Variants in NPR3 observed in about 807,000 individuals in gnomAD.
NPR3 encodes the protein natriuretic peptide receptor 3.
A neutral mutation model predicts 54.5 loss-of-function variants in NPR3; 34 were observed. The observed-to-expected ratio is 0.62, with a 90% CI of 0.47 to 0.83. The LOEUF is 0.83. Among genes scored for constraint, NPR3 ranks in the 40% least tolerant of loss-of-function variants. The probability of loss-of-function intolerance (pLI) is 0.00; values close to 1 mark genes in which losing one functional copy is unlikely to be tolerated. For synonymous variants in NPR3, 289 were observed against 297.1 expected, an observed-to-expected ratio of 0.97 and a Z score of 0.28; for missense variants, 674 against 720.8, an observed-to-expected ratio of 0.94 and a Z score of 0.74.
chr5:32,718,268 T>C (rs976611071), intron 1 of NPR3, among the ~76,000 whole-genome samples: 7 of 152,354 alleles, frequency 4.6e-5, no homozygotes, highest in Non-Finnish European at 7.3e-5. Flanking sequence ...TGAAGTCAGG[T>C]AGCATGATGC....
chr5:32,711,922 C>A lies in NPR3; in HGVS notation c.146C>A (p.Pro49Gln), dbSNP rs1738264446. ...GGGRQEREALPPQKIEVLVLL... is the reference protein window; with the variant it reads ...GGGRQEREALQPQKIEVLVLL... ...GGACGCCAGGAGAGAGAGGCGCTGC[C>A]GCCACAGAAGATCGAGGTGCTGGTG... The change falls in exon 1 of 8, where the codon CCG becomes CAG. Residue 49 changes from proline to glutamine, a missense_variant. Physicochemically the swap from Pro to Gln is moderately conservative, Grantham distance 76. Coordinates refer to ENST00000265074, the MANE Select transcript of NPR3 (RefSeq NM_001204375.2). The A allele has an allele frequency of 1.3e-6, 2 of 1,503,082 alleles. No homozygotes were observed. The highest frequency in any genetic ancestry group is 2.6e-5 in the South Asian group (2 of 76,208). The allele number at this position is 1,503,082 out of a possible 1,614,324, so 93.1% of individuals were successfully genotyped here.
At chr5:32,766,132 T>G (rs1016203430) in intron 3 of NPR3, among the ~76,000 whole-genome samples, 1 of 152,132 alleles carries the variant, frequency 6.6e-6, no homozygotes, top group Non-Finnish European at 1.5e-5. Context: ...TGGGTATATA[T>G]CAGCACAGAG....
At chr5:32,715,320 C>G (rs1330137832) in intron 1 of NPR3, among the ~76,000 whole-genome samples, 1 of 152,208 alleles carries the variant, frequency 6.6e-6, no homozygotes, top group Admixed American at 6.5e-5. Flanking sequence ...GAGTTCCTCC[C>G]TCTTTTGGTG....
chr5:32,692,487 C>T (rs1283959801), intron 1 of NPR3, among the ~76,000 whole-genome samples: 1 of 152,160 alleles, frequency 6.6e-6, no homozygotes, highest in Non-Finnish European at 1.5e-5. Flanking sequence ...GGAACAATGT[C>T]AGCTTGATGA....
chr5:32,781,238 T>A (rs1742323495), intron 5 of NPR3, among the ~76,000 whole-genome samples: 1 of 151,848 alleles, frequency 6.6e-6, no homozygotes, highest in Non-Finnish European at 1.5e-5. Context: ...CAAAGATGAG[T>A]CTTCCGTGCT....
At chr5:32,782,617 C>T (rs754181016) in intron 5 of NPR3, among the ~76,000 whole-genome samples, 12 of 152,204 alleles carry the variant, frequency 7.9e-5, no homozygotes, top group Non-Finnish European at 1.5e-4. Context: ...TCTTAATGCT[C>T]TCTTGAGAGC....
At chr5:32,713,187 C>T in intron 1 of NPR3, 1 of 985,420 alleles carries the variant, frequency 1.0e-6, no homozygotes, top group Non-Finnish European at 1.2e-6. Context: ...ATTCTGGCGA[C>T]ACTCACTTCT....
intron 3 of NPR3, among the ~76,000 whole-genome samples, chr5:32,753,439 G>A (rs183498653): frequency 1.5e-3 from 226 of 151,820 alleles, no homozygotes; most frequent in African/African-American, 4.9e-3. Context: ...TTAAAATATG[G>A]ACTATAGACA....
intron 4 of NPR3, among the ~76,000 whole-genome samples, chr5:32,776,188 G>GT (rs1448534973): frequency 6.6e-6 from 1 of 152,040 alleles, no homozygotes; most frequent in Non-Finnish European, 1.5e-5. Flanking sequence ...TTCATCTTAG[G>GT]TTTTTTACTT....
intron 3 of NPR3, among the ~76,000 whole-genome samples, chr5:32,770,429 C>CAA (rs148069259): frequency 8.1e-6 from 1 of 123,710 alleles, no homozygotes. Flanking sequence ...GACTCTGTTT[C>CAA]AAAAAAAAAA....
intron 1 of NPR3, among the ~76,000 whole-genome samples, chr5:32,700,921 A>G (rs1447754827): frequency 2.0e-5 from 3 of 152,192 alleles, no homozygotes; most frequent in Non-Finnish European, 4.4e-5. Flanking sequence ...CAGTAATGGG[A>G]TGGCTGGGTC....
intron 2 of NPR3, among the ~76,000 whole-genome samples, chr5:32,735,693 A>T (rs75736216): frequency 0.028 from 4,273 of 152,048 alleles, 71 homozygotes; most frequent in Middle Eastern, 0.085. Flanking sequence ...CTGCTCATAA[A>T]TCTCTAGAGG....
chr5:32,698,151 G>T (rs1437032244), intron 1 of NPR3, among the ~76,000 whole-genome samples: 1 of 151,662 alleles, frequency 6.6e-6, no homozygotes, highest in African/African-American at 2.4e-5. Flanking sequence ...TCTTAGTACT[G>T]CTTTCACTGT....
chr5:32,711,561 TTTTTC>T lies in NPR3; in HGVS notation c.-211_-207del, dbSNP rs1470408772. ...ACACCCGGTGAACTTTTTCTTTTTC[TTTTTC>T]TTTTTTTTTTAAGAAAAACTAGTGA... On this transcript the variant is annotated 5_prime_UTR_variant, in exon 1 of 8. Coordinates refer to ENST00000265074, the MANE Select transcript of NPR3 (RefSeq NM_001204375.2). The T allele has an allele frequency of 2.4e-6, 3 of 1,239,954 alleles. No homozygotes were observed. The African/African-American group carries it at 4.7e-5, about 19-fold the overall frequency. 76.8% of individuals were successfully genotyped at this position (1,239,954 alleles called of 1,614,324 possible). A position where few individuals can be genotyped will look rare whatever the true frequency, so the allele number is the denominator to read the frequency against.
chr5:32,753,268 A>G (rs1022146737), intron 3 of NPR3, among the ~76,000 whole-genome samples: 2 of 152,138 alleles, frequency 1.3e-5, no homozygotes, highest in Admixed American at 6.5e-5. Flanking sequence ...ATGCATGACT[A>G]AAATAGCAAT....
chr5:32,719,453 C>T (rs1003199872), intron 1 of NPR3, among the ~76,000 whole-genome samples: 5 of 152,156 alleles, frequency 3.3e-5, no homozygotes, highest in African/African-American at 7.2e-5. Context: ...AATTTTCCCT[C>T]GAATTGTGAC....
chr5:32,729,444 A>G (rs548970026), intron 2 of NPR3, among the ~76,000 whole-genome samples: 11 of 152,308 alleles, frequency 7.2e-5, no homozygotes, highest in African/African-American at 2.6e-4. Flanking sequence ...TGGATTTCCC[A>G]CTTTTGGATT....
chr5:32,707,052 A>C (rs1738016457), upstream of NPR3, among the ~76,000 whole-genome samples: 1 of 152,226 alleles, frequency 6.6e-6, no homozygotes, highest in African/African-American at 2.4e-5. Context: ...ATGATATGAG[A>C]ATTCTTCATA....
chr5:32,749,318 A>T (rs973080), intron 3 of NPR3, among the ~76,000 whole-genome samples: 47,491 of 151,704 alleles, frequency 0.31, 7,660 homozygotes, highest in Middle Eastern at 0.39. Context: ...AAGATTTTTT[A>T]AAAAAAATTT....
Sources: allele counts gnomAD v4.1 joint callset (sites outside exome capture counted in the v4.1 genomes callset), GRCh38; gene constraint gnomAD v4.1.1; transcripts MANE v1.5; gene names NCBI Gene and HGNC (gene_info 2026-07-23, HGNC 2026-07-21).